Variants in SLX9 observed in about 807,000 individuals in gnomAD.
The protein encoded by SLX9 is ribosome biogenesis protein SLX9 homolog.
SLX9 carries 19 observed loss-of-function variants against 20.8 expected under a neutral mutation model. The ratio of observed to expected loss-of-function variants is 0.91; its 90% CI spans 0.64 to 1.34. The LOEUF (loss-of-function observed/expected upper bound fraction) is 1.34. Ranked by LOEUF, SLX9 falls within the 40% of genes most tolerant of loss-of-function variation. The pLI, the probability that SLX9 is intolerant of heterozygous loss-of-function variation, is 0.00. For missense variants in SLX9, 299 were observed against 322.2 expected (o/e 0.93, Z 0.55); for synonymous variants, 113 against 137.1 (o/e 0.82, Z 1.23).
intron 2 of SLX9, among the ~76,000 whole-genome samples, chr21:44,947,984 C>T (rs1006630028): frequency 1.3e-5 from 2 of 152,248 alleles, no homozygotes; most frequent in Non-Finnish European, 2.9e-5. Context: ...GGTGAGCACC[C>T]GTCTCCTGAG....
At chr21:44,940,955 A>G (rs773203697) in intron 1 of SLX9, among the ~76,000 whole-genome samples, 7 of 152,134 alleles carry the variant, frequency 4.6e-5, no homozygotes, top group Non-Finnish European at 7.3e-5. Context: ...TTTTCTTCAG[A>G]TGGCATAATC....
At chr21:44,971,445 G>A (rs535500655) in intron 4 of SLX9, among the ~76,000 whole-genome samples, 1 of 152,242 alleles carries the variant, frequency 6.6e-6, no homozygotes, top group African/African-American at 2.4e-5. Context: ...GGTGGGGGAC[G>A]GTCCCCGCAG....
chr21:44,940,050 C>T lies in SLX9; in HGVS notation c.-8C>T. On this transcript the variant is annotated 5_prime_UTR_variant, in exon 1 of 6. Transcript: ENST00000291634. ...CGCTCCGCACGTTTGCCGTGCTCCG[C>T]CGGGAAGATGGGGAAAGTGAGGGGG... 2.1e-6 allele frequency: 3 copies of T among 1,450,694 alleles called. No homozygotes were observed. Among genetic ancestry groups the T allele is most frequent in the Non-Finnish European group, 2.7e-6 (3 of 1,101,786 alleles). 89.9% of individuals were successfully genotyped at this position (1,450,694 alleles called of 1,614,324 possible). A position where few individuals can be genotyped will look rare whatever the true frequency, so the allele number is the denominator to read the frequency against.
At chr21:44,956,972 G>A (rs1253494287) in intron 2 of SLX9, among the ~76,000 whole-genome samples, 1 of 152,184 alleles carries the variant, frequency 6.6e-6, no homozygotes, top group Non-Finnish European at 1.5e-5. Context: ...TGGCGAGGCG[G>A]TTGCCTTGCC....
chr21:44,974,226 T>C (rs935015959), intron 5 of SLX9, among the ~76,000 whole-genome samples: 1 of 146,376 alleles, frequency 6.8e-6, no homozygotes, highest in Non-Finnish European at 1.5e-5. Flanking sequence ...TACTCAGGTG[T>C]TTATCAGTGG....
chr21:44,954,113 C>T (rs986911676), intron 2 of SLX9, among the ~76,000 whole-genome samples: 2 of 152,132 alleles, frequency 1.3e-5, no homozygotes, highest in Non-Finnish European at 2.9e-5. Context: ...TCTGGAGGGT[C>T]CTTGTGGGGT....
At chr21:44,945,936 C>T (rs996853554) in intron 2 of SLX9, among the ~76,000 whole-genome samples, 27 of 152,100 alleles carry the variant, frequency 1.8e-4, no homozygotes, top group Admixed American at 1.0e-3. Context: ...GGTTTCACCC[C>T]GTTGGCCGGG....
chr21:44,976,361 G>A (rs1165654941), intron 5 of SLX9, among the ~76,000 whole-genome samples: 2 of 152,224 alleles, frequency 1.3e-5, no homozygotes, highest in Non-Finnish European at 2.9e-5. Context: ...TGTAAGGAGT[G>A]AGTCTGCAGG....
At chr21:44,945,849 G>A (rs775017981) in intron 2 of SLX9, among the ~76,000 whole-genome samples, 2 of 152,194 alleles carry the variant, frequency 1.3e-5, no homozygotes, top group Admixed American at 6.5e-5. Context: ...TAGCGGGGAC[G>A]GGACAACAGG....
intron 2 of SLX9, among the ~76,000 whole-genome samples, chr21:44,948,317 G>C (rs1824786926): frequency 1.5e-5 from 2 of 135,036 alleles, no homozygotes; most frequent in African/African-American, 6.4e-5. Flanking sequence ...CGGGGAGCTG[G>C]TCGTGGAGCA....
intron 2 of SLX9, among the ~76,000 whole-genome samples, chr21:44,951,188 A>G (rs538167322): frequency 1.4e-4 from 22 of 152,160 alleles, no homozygotes; most frequent in African/African-American, 5.3e-4. Flanking sequence ...GCTCCTGTTC[A>G]CTCAGGTTGA....
At chr21:44,961,209 G>C (rs1376920805) in intron 3 of SLX9, among the ~76,000 whole-genome samples, 1 of 152,028 alleles carries the variant, frequency 6.6e-6, no homozygotes, top group Non-Finnish European at 1.5e-5. Flanking sequence ...TTGATGATGT[G>C]TAAATTTTAT....
At chr21:44,957,688 C>T (rs2146644390) in intron 2 of SLX9, among the ~76,000 whole-genome samples, 1 of 152,316 alleles carries the variant, frequency 6.6e-6, no homozygotes, top group Admixed American at 6.5e-5. Context: ...ATGGCACCTG[C>T]AGCATGTTCC....
At chr21:44,955,874 G>A (rs940814968) in intron 2 of SLX9, among the ~76,000 whole-genome samples, 1 of 152,234 alleles carries the variant, frequency 6.6e-6, no homozygotes, top group Non-Finnish European at 1.5e-5. Flanking sequence ...TGCTGATCCA[G>A]TCTGATGAAC....
In SLX9 at chr21:44,943,791, A is replaced by G. The variant is rs1192726930; in HGVS notation, c.237A>G (p.Arg79=). ...LDVRSVTSVR[R]GEAGSSARSV... The stretch of plus-strand genomic sequence containing the variant: ...TGAGGAGTGTCACTTCCGTCAGGAG[A>G]GGTGAGGCAGGCTCGAGTGCACGGA... Residue 79 remains arginine (R), a synonymous_variant, in exon 2 of 6, where the codon AGA becomes AGG. Coordinates refer to ENST00000291634, the MANE Select transcript of SLX9 (RefSeq NM_058190.4). The G allele has an allele frequency of 4.3e-6, 7 of 1,613,020 alleles. No individual in the cohort carries two copies. The highest frequency in any genetic ancestry group is 1.3e-5 in the African/African-American group (1 of 74,964).
chr21:44,949,155 A>T (rs1326602908), intron 2 of SLX9, among the ~76,000 whole-genome samples: 2 of 152,156 alleles, frequency 1.3e-5, no homozygotes, highest in African/African-American at 2.4e-5. Flanking sequence ...TGCAAGGGTA[A>T]GAGTGCAGAG....
intron 1 of SLX9, among the ~76,000 whole-genome samples, chr21:44,942,185 A>G (rs574758584): frequency 1.1e-4 from 16 of 152,200 alleles, no homozygotes; most frequent in Non-Finnish European, 2.1e-4. Flanking sequence ...TCTGCCGTAT[A>G]CCAACATACA....
intron 3 of SLX9, among the ~76,000 whole-genome samples, chr21:44,964,854 T>G (rs765026240): frequency 2.6e-5 from 4 of 152,174 alleles, no homozygotes; most frequent in Non-Finnish European, 5.9e-5. Context: ...TCCTCTTTGT[T>G]TTTAGTATTT....
At chr21:44,967,274 G>T in intron 4 of SLX9, 93 bp downstream of exon 4, 2 of 1,465,676 alleles carry the variant, frequency 1.4e-6, no homozygotes, top group East Asian at 4.7e-5. Context: ...GGGCCACGGT[G>T]CTTCCTGAGC....
Sources: gnomAD v4.1 joint callset for allele counts (sites outside exome capture counted in the v4.1 genomes callset) on GRCh38, gnomAD v4.1.1 for gene constraint, MANE v1.5 for transcripts, NCBI Gene and HGNC (gene_info 2026-07-23, HGNC 2026-07-21) for gene names.